CPSF3: variants seen among roughly 807,000 people sequenced by gnomAD.
CPSF3 encodes cleavage and polyadenylation specific factor 3.
A neutral mutation model predicts 84.1 loss-of-function variants in CPSF3; 57 were observed. The ratio of observed to expected loss-of-function variants is 0.68; its 90% CI spans 0.55 to 0.85. The LOEUF (loss-of-function observed/expected upper bound fraction) is 0.85. CPSF3 is among the 40% of genes least tolerant of loss of function. CPSF3 has a pLI of 0.00. For missense variants in CPSF3, 522 were observed against 838.8 expected, an observed-to-expected ratio of 0.62 and a Z score of 4.66; for synonymous variants, 275 against 278.1, an observed-to-expected ratio of 0.99 and a Z score of 0.11.
chr2:9,467,911 C>G, intron 16 of CPSF3, 135 bp downstream of exon 16: 1 of 664,022 alleles, frequency 1.5e-6, no homozygotes, highest in Admixed American at 2.9e-5. Flanking sequence ...GCCTGCTTCT[C>G]TGTTAGGAAA....
chr2:9,452,727 A>T (rs1572793209), intron 11 of CPSF3, among the ~76,000 whole-genome samples, 186 bp from the exon 12 acceptor site: 1 of 152,194 alleles, frequency 6.6e-6, no homozygotes, highest in Non-Finnish European at 1.5e-5. Flanking sequence ...TCCCTTTGAC[A>T]TTGGTAGCAA....
intron 5 of CPSF3, 82 bp downstream of exon 5, chr2:9,432,770 T>A: frequency 9.2e-7 from 1 of 1,090,876 alleles, no homozygotes; most frequent in Non-Finnish European, 1.2e-6. Flanking sequence ...AAAAAAAAAA[T>A]TCCCTAAGAC....
At chr2:9,452,325 CAAAAA>C (rs58267919) in intron 11 of CPSF3, among the ~76,000 whole-genome samples, 2 of 72,810 alleles carry the variant, frequency 2.7e-5, no homozygotes, top group African/African-American at 3.6e-5. Context: ...GACACTGTCT[CAAAAA>C]AAAAAAAAAA....
intron 7 of CPSF3, among the ~76,000 whole-genome samples, chr2:9,439,421 G>A (rs1278807576): frequency 6.8e-6 from 1 of 148,022 alleles, no homozygotes; most frequent in African/African-American, 2.5e-5. Context: ...TGCAGTGAGC[G>A]GAGATCGCGC....
At chr2:9,444,146 A>ATATATC (rs1252392171) in intron 10 of CPSF3, among the ~76,000 whole-genome samples, 2 of 140,654 alleles carry the variant, frequency 1.4e-5, no homozygotes, top group Non-Finnish European at 3.1e-5. Context: ...TATATTATAT[A>ATATATC]TATATATATA....
chr2:9,472,882 A>G (rs1308500134), intron 17 of CPSF3, 34 bp from the exon 18 acceptor site: 1 of 1,313,988 alleles, frequency 7.6e-7, no homozygotes, highest in South Asian at 1.2e-5. Context: ...TTATAGACTT[A>G]ATTCTAACAG....
At chr2:9,431,546 TTTTTTC>T (rs1680591465) in intron 4 of CPSF3, among the ~76,000 whole-genome samples, 1 of 120,964 alleles carries the variant, frequency 8.3e-6, no homozygotes. Context: ...TTTTCTTTTT[TTTTTTC>T]TTTTTTTTTT....
intron 9 of CPSF3, among the ~76,000 whole-genome samples, chr2:9,442,533 C>T (rs531423557): frequency 6.6e-6 from 1 of 152,172 alleles, no homozygotes; most frequent in East Asian, 1.9e-4. Flanking sequence ...CTATAAAGTT[C>T]TTTAGTGACA....
At chr2:9,453,998 AT>A (rs1681424106) in intron 12 of CPSF3, among the ~76,000 whole-genome samples, 1 of 152,240 alleles carries the variant, frequency 6.6e-6, no homozygotes, top group Non-Finnish European at 1.5e-5. Flanking sequence ...GTCTTTATAA[AT>A]TTACTGAGCC....
rs1284692399 is a variant in CPSF3, at chr2:9,437,530, TG to T, written c.760+1170del. Among the ~76,000 whole-genome samples the T allele has an allele frequency of 3.3e-5, 5 of 152,244 alleles. No homozygotes were observed. In the East Asian group the frequency reaches 9.6e-4, roughly 29 times the overall value. On this transcript the variant is annotated intron_variant, in intron 7 of 17. Coordinates refer to ENST00000238112, the MANE Select transcript of CPSF3 (RefSeq NM_016207.4). ...TAGTGAGGATATGGATGATATTTTT[TG>T]TTTTCTGCTTTTCTCCATTTTACAA...
At chr2:9,427,503 T>C (rs529342425) in intron 1 of CPSF3, among the ~76,000 whole-genome samples, 57 of 152,258 alleles carry the variant, frequency 3.7e-4, no homozygotes, top group African/African-American at 1.4e-3. Context: ...CCAGTTAAAG[T>C]GGAAGGCCAG....
rs1680218808 is a variant in CPSF3, at chr2:9,423,905, C to A, written c.50+82C>A. On this transcript the variant is annotated intron_variant, in intron 1 of 17. Coordinates refer to ENST00000238112, the MANE Select transcript of CPSF3 (RefSeq NM_016207.4). The stretch of plus-strand genomic sequence containing the variant: ...AACCGGAGACTGGCCTCCTCCGTCG[C>A]CCGCGCTCCCACCTACCCCGGCAGC... 3 of 1,561,394 alleles carry A rather than the reference C, an allele frequency of 1.9e-6. No homozygotes were observed. In the African/African-American group the frequency reaches 4.1e-5, roughly 21 times the overall value.
intron 9 of CPSF3, among the ~76,000 whole-genome samples, chr2:9,443,085 C>T (rs1681009315): frequency 6.6e-6 from 1 of 152,136 alleles, no homozygotes; most frequent in South Asian, 2.1e-4. Context: ...CTTGCTTGAA[C>T]CCAGGAGGTC....
At chr2:9,457,256 C>G (rs1249123279) in intron 14 of CPSF3, among the ~76,000 whole-genome samples, 2 of 146,274 alleles carry the variant, frequency 1.4e-5, no homozygotes, top group African/African-American at 5.0e-5. Flanking sequence ...CACAAAAAAA[C>G]CTAATAATAA....
intron 10 of CPSF3, among the ~76,000 whole-genome samples, chr2:9,447,756 C>T (rs1416857378): frequency 1.1e-4 from 16 of 152,070 alleles, no homozygotes; most frequent in Admixed American, 7.2e-4. Flanking sequence ...CCAGCCTGGG[C>T]GACAGAGCAA....
At chr2:9,468,672 G>T (rs1199379655) in intron 16 of CPSF3, among the ~76,000 whole-genome samples, 1 of 140,468 alleles carries the variant, frequency 7.1e-6, no homozygotes, top group Non-Finnish European at 1.5e-5. Context: ...TGTCGCCCAG[G>T]CTGGAGTGCA....
Position 9,456,872 on chromosome 2 carries a change from A to C in CPSF3, c.1604-61A>C. 1.2e-5 allele frequency: 12 copies of C among 1,018,166 alleles called. No individual in the cohort carries two copies. In the South Asian group the frequency reaches 1.9e-4, roughly 16 times the overall value. The allele number at this position is 1,018,166 out of a possible 1,614,324, so 63.1% of individuals were successfully genotyped here. ...TTTTAGCTGTCTCTATAAACAAACG[A>C]ATGGTCTCTGGAAGATTATCAGAAA... On this transcript the variant is annotated intron_variant, in intron 13 of 17. Transcript: ENST00000238112.
chr2:9,461,253 G>T (rs6740442), intron 15 of CPSF3, among the ~76,000 whole-genome samples: 10,306 of 152,178 alleles, frequency 0.068, 1,194 homozygotes, highest in African/African-American at 0.23. Context: ...ATATATATAA[G>T]CCACAACGCA....
intron 11 of CPSF3, among the ~76,000 whole-genome samples, chr2:9,449,890 G>A (rs938084548): frequency 4.6e-5 from 7 of 152,246 alleles, no homozygotes; most frequent in East Asian, 1.9e-4. Flanking sequence ...ATCACAACTC[G>A]TTTAGAAATA....
Sources: gnomAD v4.1 joint callset for allele counts (sites outside exome capture counted in the v4.1 genomes callset) on GRCh38, gnomAD v4.1.1 for gene constraint, MANE v1.5 for transcripts, NCBI Gene and HGNC (gene_info 2026-07-23, HGNC 2026-07-21) for gene names.